PAX5: variants seen among roughly 807,000 people sequenced by gnomAD.
PAX5 encodes the protein paired box 5, also known as paired box protein Pax-5.
PAX5 carries 9 observed loss-of-function variants against 43.7 expected under a neutral mutation model. The ratio of observed to expected loss-of-function variants is 0.21; its 90% CI spans 0.12 to 0.36. The LOEUF (loss-of-function observed/expected upper bound fraction) is 0.36. Among genes scored for constraint, PAX5 ranks in the 10% least tolerant of loss-of-function variants. The pLI is 1.00. For synonymous variants in PAX5, 228 were observed against 214.3 expected, an observed-to-expected ratio of 1.06 and a Z score of -0.56; for missense variants, 383 against 532.7, an observed-to-expected ratio of 0.72 and a Z score of 2.77.
At chr9:36,877,149 C>G (rs369506165) in intron 8 of PAX5, among the ~76,000 whole-genome samples, 3 of 152,052 alleles carry the variant, frequency 2.0e-5, no homozygotes, top group Non-Finnish European at 2.9e-5. Flanking sequence ...CCAGCCTGGA[C>G]AGTATGGCAA....
At chr9:37,026,812 G>A (rs1840430717) in intron 1 of PAX5, 1 of 755,862 alleles carries the variant, frequency 1.3e-6, no homozygotes, top group Non-Finnish European at 1.6e-6. Flanking sequence ...GCCCAACTCC[G>A]GCTGGCTTCC....
intron 9 of PAX5, among the ~76,000 whole-genome samples, chr9:36,843,144 A>C (rs913805736): frequency 1.3e-5 from 2 of 151,448 alleles, no homozygotes; most frequent in Admixed American, 6.6e-5. Flanking sequence ...GTGTGTGTGC[A>C]TGTGTGTGTG....
chr9:36,887,363 C>T (rs547741471), intron 7 of PAX5, among the ~76,000 whole-genome samples: 3 of 151,984 alleles, frequency 2.0e-5, no homozygotes, highest in South Asian at 2.1e-4. Context: ...ATCTAGCATA[C>T]GATGAAGGTA....
chr9:36,996,162 G>A (rs932999676), intron 5 of PAX5, among the ~76,000 whole-genome samples: 2 of 152,258 alleles, frequency 1.3e-5, no homozygotes, highest in Non-Finnish European at 2.9e-5. Context: ...CAACAGGACC[G>A]TGGCTAAAGC....
chr9:36,861,649 T>G (rs183010736), intron 8 of PAX5, among the ~76,000 whole-genome samples: 70 of 151,574 alleles, frequency 4.6e-4, no homozygotes, highest in Non-Finnish European at 9.3e-4. Flanking sequence ...GAACAGCAAG[T>G]GCAAAGGCCC....
In PAX5 at chr9:36,834,979, A is replaced by G. The variant is rs567656927; in HGVS notation, c.*5581T>C. The G allele has an allele frequency of 4.3e-5, 10 of 233,252 alleles. No individual in the cohort carries two copies. In the South Asian group the frequency reaches 7.3e-4, roughly 17 times the overall value. The allele number at this position is 233,252 out of a possible 1,614,324, so 14.4% of individuals were successfully genotyped here. A position where few individuals can be genotyped will look rare whatever the true frequency, so the allele number is the denominator to read the frequency against. Reference sequence around the variant, plus strand: ...CACCTGCTTCCCTCCCTGGGCCCCGATCAGCCACCGGAAGCTGATGGGTGG... The same window carrying G: ...CACCTGCTTCCCTCCCTGGGCCCCGGTCAGCCACCGGAAGCTGATGGGTGG... On this transcript the variant is annotated 3_prime_UTR_variant, in exon 10 of 10. Transcript: ENST00000358127.
chr9:36,975,535 G>A (rs552108779), intron 5 of PAX5, among the ~76,000 whole-genome samples: 2 of 152,184 alleles, frequency 1.3e-5, no homozygotes, highest in East Asian at 1.9e-4. Context: ...ACAGGCGCCC[G>A]CCACTATTCC....
Position 36,923,445 on chromosome 9 carries a change from G to T in PAX5, c.820C>A (p.Leu274Met), listed in dbSNP as rs1483261647. The change falls in exon 7 of 10, where the codon CTG becomes ATG. Residue 274 changes from leucine to methionine, a missense_variant. Coordinates refer to ENST00000358127, the MANE Select transcript of PAX5 (RefSeq NM_016734.3). The part of the protein sequence containing the change: ...YSAMASLAGG[L>M]DDMKANLASP... Reference sequence around the variant, plus strand: ...GCCAGATTGGCCTTCATGTCGTCCAGCCCACCAGCCAGCGAGGCCATGGCT... The same window carrying T: ...GCCAGATTGGCCTTCATGTCGTCCATCCCACCAGCCAGCGAGGCCATGGCT... 1.2e-6 allele frequency: 2 copies of T among 1,612,412 alleles called. No homozygotes were observed. The highest frequency in any genetic ancestry group is 8.5e-7 in the Non-Finnish European group (1 of 1,180,002).
intron 3 of PAX5, among the ~76,000 whole-genome samples, chr9:37,011,616 A>G (rs1838938514): frequency 6.6e-6 from 1 of 152,208 alleles, no homozygotes; most frequent in Admixed American, 6.5e-5. Flanking sequence ...GTCCATAAGA[A>G]GTCAAATGAA....
chr9:36,887,615 A>G (rs1454706527), intron 7 of PAX5, among the ~76,000 whole-genome samples: 1 of 152,250 alleles, frequency 6.6e-6, no homozygotes, highest in Non-Finnish European at 1.5e-5. Flanking sequence ...TTGAAACCAG[A>G]TGCACACACA....
chr9:36,941,426 G>A (rs1362197299), intron 6 of PAX5, among the ~76,000 whole-genome samples: 1 of 152,208 alleles, frequency 6.6e-6, no homozygotes, highest in Non-Finnish European at 1.5e-5. Context: ...TGTGATTTGA[G>A]AGCGTCCGTC....
At chr9:36,889,621 T>C (rs1827196709) in intron 7 of PAX5, among the ~76,000 whole-genome samples, 1 of 152,174 alleles carries the variant, frequency 6.6e-6, no homozygotes, top group East Asian at 1.9e-4. Flanking sequence ...TCCCCCAGCA[T>C]TGGGCACCCA....
chr9:36,981,195 C>CA (rs1028859370), intron 5 of PAX5, among the ~76,000 whole-genome samples: 1 of 145,296 alleles, frequency 6.9e-6, no homozygotes, highest in Non-Finnish European at 1.5e-5. Context: ...GCCCCCCCCC[C>CA]CTCAGCCCTG....
chr9:36,891,108 C>T (rs186923352), intron 7 of PAX5, among the ~76,000 whole-genome samples: 59 of 152,194 alleles, frequency 3.9e-4, no homozygotes, highest in African/African-American at 9.4e-4. Flanking sequence ...CACTGCACTC[C>T]GGCCTGGGCG....
intron 6 of PAX5, among the ~76,000 whole-genome samples, chr9:36,940,091 C>G (rs1167315580): frequency 6.6e-6 from 1 of 152,220 alleles, no homozygotes; most frequent in African/African-American, 2.4e-5. Context: ...CCTGAGGAGT[C>G]TGAGGCTCCC....
At chr9:36,887,807 T>C (rs1827028664) in intron 7 of PAX5, among the ~76,000 whole-genome samples, 1 of 152,210 alleles carries the variant, frequency 6.6e-6, no homozygotes, top group Admixed American at 6.5e-5. Flanking sequence ...GCTTTTGTGC[T>C]TCAAAGGATA....
At position 36,963,738 on chromosome 9, in the gene PAX5, G is replaced by A. The variant is rs925442259; in HGVS notation, c.780+2811C>T. Reference sequence around the variant, plus strand: ...GGTGCAGATTCTGAGTCTCCATGACGGTCATGTGAAACACAGAGGGAGTCT... The same window carrying A: ...GGTGCAGATTCTGAGTCTCCATGACAGTCATGTGAAACACAGAGGGAGTCT... On this transcript the variant is annotated intron_variant, in intron 6 of 9. Coordinates refer to ENST00000358127, the MANE Select transcript of PAX5 (RefSeq NM_016734.3). Among the ~76,000 whole-genome samples, 7 of 152,280 alleles carry A rather than the reference G, an allele frequency of 4.6e-5. No individual in the cohort carries two copies. In the South Asian group the frequency reaches 6.2e-4, roughly 14 times the overall value.
intron 3 of PAX5, among the ~76,000 whole-genome samples, chr9:37,009,823 C>T (rs1838777671): frequency 6.6e-6 from 1 of 151,906 alleles, no homozygotes; most frequent in African/African-American, 2.4e-5. Flanking sequence ...CTACTATGCA[C>T]CCATAAAAAT....
At chr9:36,993,552 A>G (rs1434364075) in intron 5 of PAX5, among the ~76,000 whole-genome samples, 2 of 152,244 alleles carry the variant, frequency 1.3e-5, no homozygotes, top group African/African-American at 4.8e-5. Context: ...AGACAGAGAA[A>G]GGGACAGGAA....
Sources: allele counts gnomAD v4.1 joint callset (sites outside exome capture counted in the v4.1 genomes callset), GRCh38; gene constraint gnomAD v4.1.1; transcripts MANE v1.5; gene names NCBI Gene and HGNC (gene_info 2026-07-23, HGNC 2026-07-21).